The following PAN3 variants were observed in gnomAD, a reference collection of about 807,000 sequenced individuals.
The protein encoded by PAN3 is poly(A) specific ribonuclease subunit PAN3, also known as PAN2-PAN3 deadenylation complex subunit PAN3.
In PAN3, 19 loss-of-function variants were observed where a neutral mutation model predicts 96.2. The ratio of observed to expected loss-of-function variants is 0.20; its 90% confidence interval spans 0.14 to 0.29. The LOEUF is 0.29. PAN3 is among the 10% of genes least tolerant of loss of function. PAN3 has a pLI of 1.00. For missense variants in PAN3, 882 were observed against 1,108.1 expected (o/e 0.80, Z 2.90); for synonymous variants, 433 against 406.6 (o/e 1.06, Z -0.78).
chr13:28,290,629 C>T (rs1869642072), intron 18 of PAN3, among the ~76,000 whole-genome samples: 1 of 152,090 alleles, frequency 6.6e-6, no homozygotes, highest in Admixed American at 6.6e-5. Context: ...TTGCAGTGAG[C>T]CGAGATTGTG....
At chr13:28,141,003 C>CTTTTTTTTTTTTTTT (rs979248659) in intron 1 of PAN3, among the ~76,000 whole-genome samples, 5 of 112,944 alleles carry the variant, frequency 4.4e-5, no homozygotes, top group Non-Finnish European at 5.3e-5. Flanking sequence ...GAAAGAGACA[C>CTTTTTTTTTTTTTTT]TTTTTTTTTT....
At chr13:28,279,840 C>G (rs934186865) in intron 15 of PAN3, among the ~76,000 whole-genome samples, 5 of 151,424 alleles carry the variant, frequency 3.3e-5, no homozygotes, top group African/African-American at 1.2e-4. Context: ...CACTTTGTTG[C>G]CCAGGCTGGA....
chr13:28,198,886 G>C (rs1183158774), intron 5 of PAN3, among the ~76,000 whole-genome samples: 2 of 152,132 alleles, frequency 1.3e-5, no homozygotes, highest in African/African-American at 4.8e-5. Flanking sequence ...AGTAGTATCT[G>C]TATTGCCTTG....
At chr13:28,157,668 A>G (rs1872375451) in intron 1 of PAN3, among the ~76,000 whole-genome samples, 1 of 152,240 alleles carries the variant, frequency 6.6e-6, no homozygotes, top group East Asian at 1.9e-4. Flanking sequence ...AAAGAGCTCT[A>G]CAATGATAAT....
chr13:28,289,897 A>G (rs188603060), intron 18 of PAN3, among the ~76,000 whole-genome samples: 281 of 152,294 alleles, frequency 1.8e-3, no homozygotes, highest in African/African-American at 6.4e-3. Flanking sequence ...AAAAAGAAAG[A>G]AAAGATTGGG....
intron 7 of PAN3, among the ~76,000 whole-genome samples, chr13:28,257,023 C>G: frequency 6.6e-6 from 1 of 152,114 alleles, no homozygotes; most frequent in Non-Finnish European, 1.5e-5. Flanking sequence ...GATAAGGGGC[C>G]TGCAGTATGG....
chr13:28,279,419 C>T (rs1426533309), intron 15 of PAN3, among the ~76,000 whole-genome samples: 1 of 152,146 alleles, frequency 6.6e-6, no homozygotes, highest in African/African-American at 2.4e-5. Flanking sequence ...AAGCTCCCCA[C>T]CCCACACCTA....
intron 5 of PAN3, among the ~76,000 whole-genome samples, chr13:28,216,350 G>A (rs1358041605): frequency 6.6e-6 from 1 of 152,146 alleles, no homozygotes; most frequent in Non-Finnish European, 1.5e-5. Context: ...GGAAAGGAGA[G>A]AGGGGTTTAT....
At chr13:28,173,450 C>T (rs1195352315) in intron 1 of PAN3, among the ~76,000 whole-genome samples, 4 of 152,090 alleles carry the variant, frequency 2.6e-5, no homozygotes, top group Admixed American at 6.5e-5. Context: ...AAATGCAGTA[C>T]ATTTTCGTTA....
chr13:28,168,789 C>T (rs1175822651), intron 1 of PAN3, among the ~76,000 whole-genome samples: 4 of 151,742 alleles, frequency 2.6e-5, no homozygotes, highest in Non-Finnish European at 5.9e-5. Context: ...GAGGCTGAGG[C>T]GGGCAGATCA....
intron 4 of PAN3, among the ~76,000 whole-genome samples, chr13:28,183,650 C>T (rs1244371924): frequency 6.6e-6 from 1 of 152,188 alleles, no homozygotes; most frequent in African/African-American, 2.4e-5. Context: ...AAAGAACAAA[C>T]AGCAGGAATG....
chr13:28,274,431 TA>T (rs1194958226), intron 14 of PAN3, among the ~76,000 whole-genome samples: 2 of 151,930 alleles, frequency 1.3e-5, no homozygotes, highest in African/African-American at 2.4e-5. Context: ...GAAGGAAAAT[TA>T]CACATTTTTA....
intron 6 of PAN3, among the ~76,000 whole-genome samples, chr13:28,236,420 T>C (rs117198066): frequency 0.03 from 4,613 of 152,258 alleles, 107 homozygotes; most frequent in Non-Finnish European, 0.04. Flanking sequence ...CACAGGAGAT[T>C]CTAACATATA....
intron 5 of PAN3, among the ~76,000 whole-genome samples, chr13:28,216,236 G>A (rs951174727): frequency 1.3e-5 from 2 of 151,182 alleles, no homozygotes; most frequent in South Asian, 4.2e-4. Context: ...ACATATATGT[G>A]TATGACCCAT....
intron 10 of PAN3, 65 bp from the exon 11 acceptor site, chr13:28,267,030 A>G (rs1373228651): frequency 1.4e-6 from 2 of 1,439,196 alleles, no homozygotes; most frequent in African/African-American, 2.9e-5. Context: ...ATTTTTTTCC[A>G]TTTCTGATGG....
At chr13:28,278,756 C>T (rs1887243516) in intron 15 of PAN3, among the ~76,000 whole-genome samples, 1 of 151,728 alleles carries the variant, frequency 6.6e-6, no homozygotes, top group South Asian at 2.1e-4. Context: ...CAAAACTGAG[C>T]CACAGAGATA....
intron 14 of PAN3, among the ~76,000 whole-genome samples, chr13:28,273,123 T>C (rs1886769563): frequency 6.6e-6 from 1 of 152,218 alleles, no homozygotes; most frequent in African/African-American, 2.4e-5. Context: ...TCTAAGTAAT[T>C]TTTTTATTTA....
At chr13:28,215,904 T>C (rs1164981826) in intron 5 of PAN3, 11 of 1,271,582 alleles carry the variant, frequency 8.7e-6, no homozygotes, top group Non-Finnish European at 1.2e-5. Context: ...ATGAATATTA[T>C]CCCTAATACC....
At chr13:28,216,765 A>G (rs971937750) in intron 5 of PAN3, among the ~76,000 whole-genome samples, 1 of 152,026 alleles carries the variant, frequency 6.6e-6, no homozygotes, top group Non-Finnish European at 1.5e-5. Context: ...GAAATGTTAC[A>G]TATCTTACGT....
Sources: gnomAD v4.1 joint callset for allele counts (sites outside exome capture counted in the v4.1 genomes callset) on GRCh38, gnomAD v4.1.1 for gene constraint, MANE v1.5 for transcripts, NCBI Gene and HGNC (gene_info 2026-07-23, HGNC 2026-07-21) for gene names.